The following CPNE8 variants were observed in gnomAD, a reference collection of about 807,000 sequenced individuals.
CPNE8 encodes copine 8.
A neutral mutation model predicts 81.5 loss-of-function variants in CPNE8; 45 were observed. The ratio of observed to expected loss-of-function variants is 0.55; its 90% CI spans 0.44 to 0.71. CPNE8 has a LOEUF of 0.71. Among genes scored for constraint, CPNE8 ranks in the 30% least tolerant of loss-of-function variants. The pLI is 0.00. For synonymous variants in CPNE8, 252 were observed against 226.3 expected (o/e 1.11, Z -1.02); for missense variants, 594 against 672.1 (o/e 0.88, Z 1.28).
intron 6 of CPNE8, among the ~76,000 whole-genome samples, chr12:38,817,804 T>C (rs1221312319): frequency 2.6e-5 from 4 of 151,896 alleles, no homozygotes; most frequent in Non-Finnish European, 5.9e-5. Flanking sequence ...TTCGTATTTT[T>C]AGTAGAGACA....
At chr12:38,789,386 ACT>A (rs1942272498) in intron 6 of CPNE8, among the ~76,000 whole-genome samples, 2 of 151,974 alleles carry the variant, frequency 1.3e-5, no homozygotes, top group East Asian at 1.9e-4. Flanking sequence ...TAGTGGGAAA[ACT>A]CTATATCCAT....
chr12:38,654,179 G>C, intron 19 of CPNE8, 109 bp from the exon 20 acceptor site: 1 of 1,293,338 alleles, frequency 7.7e-7, no homozygotes, highest in Non-Finnish European at 1.0e-6. Flanking sequence ...CAGGGAATCT[G>C]AGAGTAATGG....
intron 6 of CPNE8, among the ~76,000 whole-genome samples, chr12:38,820,400 A>G (rs1050808822): frequency 2.0e-5 from 3 of 151,832 alleles, no homozygotes; most frequent in African/African-American, 7.3e-5. Flanking sequence ...GTGAGACTTC[A>G]TCTCAGAAAA....
intron 6 of CPNE8, among the ~76,000 whole-genome samples, chr12:38,792,025 C>A (rs976050554): frequency 5.7e-5 from 8 of 141,444 alleles, no homozygotes; most frequent in African/African-American, 1.8e-4. Flanking sequence ...AAAAAAAAAA[C>A]TTGAGACAAA....
intron 10 of CPNE8, among the ~76,000 whole-genome samples, chr12:38,743,919 C>T (rs117444818): frequency 0.017 from 2,601 of 152,242 alleles, 41 homozygotes; most frequent in Middle Eastern, 0.031. Flanking sequence ...AGTGACAATA[C>T]ACTACATGTC....
chr12:38,662,282 G>A (rs886355835), intron 19 of CPNE8, among the ~76,000 whole-genome samples: 1 of 151,936 alleles, frequency 6.6e-6, no homozygotes, highest in African/African-American at 2.4e-5. Context: ...TACAACTGTC[G>A]GAACTAATAA....
At chr12:38,808,785 TA>T (rs561314972) in intron 6 of CPNE8, among the ~76,000 whole-genome samples, 69 of 151,360 alleles carry the variant, frequency 4.6e-4, no homozygotes, top group Non-Finnish European at 7.5e-4. Flanking sequence ...AAAGACTATA[TA>T]AAAAAATGCT....
intron 1 of CPNE8, among the ~76,000 whole-genome samples, chr12:38,902,358 A>AAAGAAAG (rs1944487961): frequency 1.0e-5 from 1 of 96,386 alleles, no homozygotes; most frequent in Non-Finnish European, 1.9e-5. Context: ...GAAAGAAAGA[A>AAAGAAAG]AGAAAGAAAG....
chr12:38,751,811 G>A (rs571208507), intron 10 of CPNE8, among the ~76,000 whole-genome samples: 46 of 152,204 alleles, frequency 3.0e-4, no homozygotes, highest in Non-Finnish European at 6.0e-4. Context: ...TTCCTATTTT[G>A]TCTAATTCAC....
At chr12:38,830,058 C>A (rs1943258723) in intron 5 of CPNE8, among the ~76,000 whole-genome samples, 1 of 152,052 alleles carries the variant, frequency 6.6e-6, no homozygotes, top group African/African-American at 2.4e-5. Context: ...TTAATACTAG[C>A]ATATTGTAAG....
At position 38,771,479 on chromosome 12, in the gene CPNE8, C is replaced by T. The variant is rs112672884; in HGVS notation, c.472-3741G>A. On this transcript the variant is annotated intron_variant, in intron 7 of 19. Transcript: ENST00000331366. ...AGACCCCGTATTTAAAAAAAAAATA[C>T]TGATTGAAGATACACTCCCAACATA... Among the ~76,000 whole-genome samples the T allele has an allele frequency of 6.0e-3, 914 of 152,004 alleles. 13 individuals carry two copies. The highest frequency in any genetic ancestry group is 0.021 in the African/African-American group (872 of 41,470).
chr12:38,746,460 C>T (rs1336672882), intron 10 of CPNE8, among the ~76,000 whole-genome samples: 3 of 152,050 alleles, frequency 2.0e-5, no homozygotes, highest in Non-Finnish European at 4.4e-5. Context: ...TAGTTAGACA[C>T]CATAAGATGA....
intron 14 of CPNE8, among the ~76,000 whole-genome samples, chr12:38,694,287 G>A (rs1230183946): frequency 6.6e-6 from 1 of 152,108 alleles, no homozygotes; most frequent in Non-Finnish European, 1.5e-5. Context: ...TATTTGAGAA[G>A]TATCCCAATT....
intron 6 of CPNE8, among the ~76,000 whole-genome samples, chr12:38,806,946 A>T (rs1329527419): frequency 6.7e-6 from 1 of 150,228 alleles, no homozygotes; most frequent in Non-Finnish European, 1.5e-5. Flanking sequence ...AAGCATTCTT[A>T]CACACCAACA....
chr12:38,677,425 G>T (rs1206068982), intron 17 of CPNE8, 27 bp downstream of exon 17: 3 of 1,223,342 alleles, frequency 2.5e-6, no homozygotes, highest in African/African-American at 1.5e-5. Flanking sequence ...CACGTAGCGA[G>T]CCCAATACGG....
intron 19 of CPNE8, among the ~76,000 whole-genome samples, chr12:38,670,493 T>A (rs552822031): frequency 8.5e-5 from 13 of 152,288 alleles, no homozygotes; most frequent in Admixed American, 4.6e-4. Flanking sequence ...TTCTCTATTT[T>A]TTCTAACCAT....
intron 6 of CPNE8, among the ~76,000 whole-genome samples, chr12:38,808,554 G>C (rs1454935759): frequency 4.4e-5 from 6 of 137,642 alleles, no homozygotes. Flanking sequence ...ATTGAACAAT[G>C]AGAACACATG....
chr12:38,742,318 C>G (rs1199799924), intron 10 of CPNE8, among the ~76,000 whole-genome samples: 1 of 152,036 alleles, frequency 6.6e-6, no homozygotes, highest in African/African-American at 2.4e-5. Context: ...GAAAATGTGG[C>G]ACATATACAC....
intron 18 of CPNE8, among the ~76,000 whole-genome samples, chr12:38,672,764 TA>T (rs1328952125): frequency 6.6e-6 from 1 of 152,190 alleles, no homozygotes; most frequent in Non-Finnish European, 1.5e-5. Flanking sequence ...TTTATGTAGA[TA>T]GTTTTAAAAT....
Sources: gnomAD v4.1 joint callset for allele counts (sites outside exome capture counted in the v4.1 genomes callset) on GRCh38, gnomAD v4.1.1 for gene constraint, MANE v1.5 for transcripts, NCBI Gene and HGNC (gene_info 2026-07-23, HGNC 2026-07-21) for gene names.